Variants in NF1 observed in about 807,000 individuals in gnomAD.
NF1 encodes the protein neurofibromin.
A neutral mutation model predicts 325.7 loss-of-function variants in NF1; 122 were observed. The observed-to-expected ratio is 0.37, with a 90% CI of 0.32 to 0.44. The LOEUF (loss-of-function observed/expected upper bound fraction) is 0.44. NF1 is among the 20% of genes least tolerant of loss of function. The pLI, the probability that NF1 is intolerant of heterozygous loss-of-function variation, is 1.00. For synonymous variants in NF1, 1,091 were observed against 1,186.0 expected (o/e 0.92, Z 1.65); for missense variants, 2,140 against 3,415.4 (o/e 0.63, Z 9.31).
rs1555613794 is a variant in NF1 at position 31,226,510 on chromosome 17, A to G, written c.2077A>G (p.Met693Val). 3 of 1,613,870 alleles carry G rather than the reference A, an allele frequency of 1.9e-6. No homozygotes were observed. The highest frequency in any genetic ancestry group is 2.2e-5 in the South Asian group (2 of 91,074). Residue 693 changes from methionine to valine, a missense_variant, in exon 18 of 58, where the codon ATG becomes GTG. Coordinates refer to ENST00000358273, the MANE Select transcript of NF1 (RefSeq NM_001042492.3). ...GACCAAACTAGAAGTGGCCCTGTAC[A>G]TGTTTCTGTGGAACCCTGACACTGA... is the stretch of plus-strand genomic sequence containing the variant. ...AQTKLEVALY[M>V]FLWNPDTEAV... is the part of the protein sequence containing the mutation.
intron 36 of NF1, among the ~76,000 whole-genome samples, chr17:31,302,926 T>G (rs2068609365): frequency 6.6e-6 from 1 of 152,120 alleles, no homozygotes; most frequent in Non-Finnish European, 1.5e-5. Context: ...ACAATAAGTA[T>G]CATGCTTATT....
intron 36 of NF1, among the ~76,000 whole-genome samples, chr17:31,312,472 T>C (rs1023088823): frequency 1.4e-5 from 2 of 147,282 alleles, no homozygotes; most frequent in Admixed American, 1.4e-4. Flanking sequence ...TGAGCCAAGA[T>C]GGTGCCGCTG....
At chr17:31,278,407 G>GTTTT (rs376109355) in intron 36 of NF1, among the ~76,000 whole-genome samples, 2 of 109,556 alleles carry the variant, frequency 1.8e-5, no homozygotes, top group African/African-American at 4.4e-5. Flanking sequence ...GATTTTTTGG[G>GTTTT]TTTTTTTTTT....
chr17:31,184,707 A>G (rs1320175933), intron 8 of NF1, among the ~76,000 whole-genome samples: 2 of 152,020 alleles, frequency 1.3e-5, no homozygotes, highest in Non-Finnish European at 2.9e-5. Flanking sequence ...GAGCTCAGGG[A>G]TTCTGTCTCC....
intron 36 of NF1, among the ~76,000 whole-genome samples, chr17:31,315,089 TG>T (rs2068986937): frequency 6.6e-6 from 1 of 152,188 alleles, no homozygotes; most frequent in Non-Finnish European, 1.5e-5. Flanking sequence ...GTTTGCCATT[TG>T]TATATTTGTA....
intron 36 of NF1, chr17:31,296,357 C>T (rs918529623): frequency 1.2e-6 from 2 of 1,613,540 alleles, no homozygotes; most frequent in Admixed American, 1.7e-5. Context: ...AACAGATACA[C>T]CCTTCTTTTA....
chr17:31,266,765 A>G (rs528440155), intron 36 of NF1, among the ~76,000 whole-genome samples: 1 of 150,220 alleles, frequency 6.7e-6, no homozygotes, highest in South Asian at 2.1e-4. Context: ...AGAAACTGTT[A>G]TATTTGTATT....
chr17:31,340,876 A>G (rs145740387), intron 47 of NF1, among the ~76,000 whole-genome samples: 6 of 151,250 alleles, frequency 4.0e-5, no homozygotes, highest in Middle Eastern at 3.4e-3. Context: ...AAAAAACAGT[A>G]CTGGCCTAAT....
chr17:31,249,270 G>A, intron 30 of NF1, 151 bp downstream of exon 30: 2 of 982,870 alleles, frequency 2.0e-6, no homozygotes, highest in Non-Finnish European at 3.1e-6. Context: ...TGTTGGAATT[G>A]TCTTTGAAAA....
rs2151601920 is a variant in NF1 at position 31,374,234 on chromosome 17, C to G, written c.*79C>G. On this transcript the variant is annotated 3_prime_UTR_variant, in exon 58 of 58. Transcript: ENST00000358273. ...ACCCCTTCCCTGTCCTTGCCCTTTC[C>G]CCCCATGTTGTAATGCTGCACTTCC... 1 of 1,582,440 alleles carries G rather than the reference C, an allele frequency of 6.3e-7. No individual in the cohort carries two copies.
chr17:31,176,493 C>A (rs897546426), intron 5 of NF1, among the ~76,000 whole-genome samples: 2 of 152,130 alleles, frequency 1.3e-5, no homozygotes, highest in Non-Finnish European at 2.9e-5. Flanking sequence ...TTTTGCTATG[C>A]AGAAGCTCTT....
chr17:31,348,273 A>G (rs983221450), intron 48 of NF1, among the ~76,000 whole-genome samples: 1 of 132,332 alleles, frequency 7.6e-6, no homozygotes, highest in African/African-American at 2.8e-5. Context: ...AAAATCTTCA[A>G]ACTTCTTTCT....
chr17:31,373,393 C>A (rs986486612), intron 57 of NF1, among the ~76,000 whole-genome samples: 4 of 152,200 alleles, frequency 2.6e-5, no homozygotes, highest in African/African-American at 9.6e-5. Context: ...CACTAGTCTT[C>A]CCTGGTGGCT....
At chr17:31,112,039 C>T (rs1913464568) in intron 1 of NF1, among the ~76,000 whole-genome samples, 1 of 152,064 alleles carries the variant, frequency 6.6e-6, no homozygotes, top group Non-Finnish European at 1.5e-5. Flanking sequence ...ATACCATCAC[C>T]ACAATCAAGA....
intron 36 of NF1, among the ~76,000 whole-genome samples, chr17:31,288,076 T>TATA (rs1410297046): frequency 6.6e-6 from 1 of 151,502 alleles, no homozygotes; most frequent in Non-Finnish European, 1.5e-5. Context: ...AAACTTAAAG[T>TATA]ATAATAATAA....
At chr17:31,170,142 C>T (rs1018071972) in intron 5 of NF1, 145 bp downstream of exon 5, 17 of 623,126 alleles carry the variant, frequency 2.7e-5, no homozygotes, top group African/African-American at 2.2e-4. Flanking sequence ...ACCAGTAATA[C>T]AAATGGGTAA....
chr17:31,320,267 A>G (rs2069146486), intron 36 of NF1: 1 of 817,016 alleles, frequency 1.2e-6, no homozygotes. Flanking sequence ...GAGATTTACT[A>G]AATGAAATTG....
At chr17:31,283,428 C>A (rs76746518) in intron 36 of NF1, among the ~76,000 whole-genome samples, 145,508 of 149,342 alleles carry the variant, frequency 0.97, 70,868 homozygotes, top group Non-Finnish European at 0.99. Context: ...AAAAAACAAA[C>A]AAAAAAAAAC....
rs772569534 is a variant in NF1, at chr17:31,318,576, A to C, written c.4836-7244A>C. ...ATAGAAATAGAAAGGTACAGATAAG[A>C]AAAAGCACTGCAATTATAATTAAGC... On this transcript the variant is annotated intron_variant, in intron 36 of 57. Coordinates refer to ENST00000358273, the MANE Select transcript of NF1 (RefSeq NM_001042492.3). The C allele has an allele frequency of 6.8e-6, 11 of 1,614,138 alleles. No homozygotes were observed. In the Admixed American group the frequency reaches 1.8e-4, roughly 27 times the overall value.
Sources: allele counts gnomAD v4.1 joint callset (sites outside exome capture counted in the v4.1 genomes callset), GRCh38; gene constraint gnomAD v4.1.1; transcripts MANE v1.5; gene names NCBI Gene and HGNC (gene_info 2026-07-23, HGNC 2026-07-21).